Variants in MYO15A observed in about 807,000 individuals in gnomAD.
MYO15A encodes unconventional myosin-XV.
Under a neutral mutation model 394.6 loss-of-function variants are expected in MYO15A, and 308 were observed. That is an observed-to-expected ratio of 0.78 (90% CI 0.71 to 0.86). The LOEUF is 0.86. Ranked by LOEUF, MYO15A falls within the 40% of genes least tolerant of loss-of-function variation. MYO15A has a pLI of 0.00. For missense variants in MYO15A, 4,606 were observed against 4,799.1 expected (o/e 0.96, Z 1.19); for synonymous variants, 1,957 against 2,003.8 (o/e 0.98, Z 0.62).
At position 18,148,638 on chromosome 17, in the gene MYO15A, C is replaced by T; in HGVS notation, c.6764+70C>T. ...AATGTTGTGGGGGGAGGTCAGATCC[C>T]CCAGAGGGTCCCATAGGGTCCATTC... On this transcript the variant is annotated intron_variant, in intron 32 of 65. Coordinates refer to ENST00000647165, the MANE Select transcript of MYO15A (RefSeq NM_016239.4). The surrounding 1 kb of genome is among the most constrained non-coding windows in gnomAD (Gnocchi z 4.8). 6.5e-7 allele frequency: 1 copy of T among 1,546,624 alleles called. No individual in the cohort carries two copies. The highest frequency in any genetic ancestry group is 8.7e-7 in the Non-Finnish European group (1 of 1,143,392).
At position 18,119,220 on chromosome 17, in the gene MYO15A, G is replaced by T. The variant is rs1555537961; in HGVS notation, c.420G>T (p.Lys140Asn). Reference sequence around the variant, plus strand: ...CGGCCATCAACTGGCTCACAAAAAAGTTCCTCCTCAAGAAGGCCGAGGAGT... The same window carrying T: ...CGGCCATCAACTGGCTCACAAAAAATTTCCTCCTCAAGAAGGCCGAGGAGT... ...ASTAINWLTK[K>N]FLLKKAEESG... The change falls in exon 2 of 66, where the codon AAG (lysine) becomes AAT (asparagine). Residue 140 changes from lysine (K) to asparagine (N), a missense_variant. Lys to Asn is a moderately conservative substitution (Grantham distance 94). This residue lies in a region of MYO15A where 1,830 missense variants were observed against 1,689.7 expected (regional missense o/e 1.08). Transcript: ENST00000647165. The T allele has an allele frequency of 1.2e-6, 2 of 1,612,512 alleles. No homozygotes were observed. The highest frequency in any genetic ancestry group is 1.7e-6 in the Non-Finnish European group (2 of 1,179,904).
chr17:18,125,530 T>C (rs1235218751), intron 4 of MYO15A: 2 of 301,862 alleles, frequency 6.6e-6, no homozygotes, highest in Non-Finnish European at 6.3e-6. Flanking sequence ...CCCTCTCTAC[T>C]AAAAATACAA....
rs767089857 is a variant in MYO15A at position 18,156,267 on chromosome 17, C to T, written c.8532C>T (p.Val2844=). ...MLEFNLASEK[V]ILFSARAHQV... is the part of the protein sequence containing the mutation. ...AGTTCAACCTGGCCAGTGAGAAGGT[C>T]ATCCTCTTCTCAGCCCGAGCGCACC... Residue 2844 remains valine, a synonymous_variant, in exon 48 of 66, where the codon GTC becomes GTT. Coordinates refer to ENST00000647165, the MANE Select transcript of MYO15A (RefSeq NM_016239.4). The T allele has an allele frequency of 6.2e-7, 1 of 1,614,188 alleles. No individual in the cohort carries two copies. Among genetic ancestry groups the T allele is most frequent in the South Asian group, 1.1e-5 (1 of 91,084 alleles).
intron 4 of MYO15A, among the ~76,000 whole-genome samples, chr17:18,126,138 C>T (rs1186325666): frequency 6.6e-6 from 1 of 152,236 alleles, no homozygotes; most frequent in African/African-American, 2.4e-5. Flanking sequence ...CCAGACTCCT[C>T]TCAGCTCAGC....
At chr17:18,159,490 A>G in intron 54 of MYO15A, 116 bp from the exon 55 acceptor site, 1 of 1,476,444 alleles carries the variant, frequency 6.8e-7, no homozygotes, top group Non-Finnish European at 9.4e-7. Flanking sequence ...AGAGAATAGA[A>G]GCTCCCAGCT....
rs191828237 is a variant in MYO15A, at chr17:18,136,676, A to G, written c.4769A>G (p.Tyr1590Cys). ...CTGTCCATCGCCATCCTGGACATCT[A>G]TGGTTTCGAGGTGGGGCCGTGTAGG... is the stretch of plus-strand genomic sequence containing the variant. ...DTLSIAILDI[Y>C]GFEDLSFNSF... The change falls in exon 15 of 66, where the codon TAT (tyrosine) becomes TGT (cysteine). Residue 1590 changes from tyrosine to cysteine, a missense_variant. Coordinates refer to ENST00000647165, the MANE Select transcript of MYO15A (RefSeq NM_016239.4). The G allele has an allele frequency of 1.7e-4, 281 of 1,607,158 alleles. No individual in the cohort carries two copies. The highest frequency in any genetic ancestry group is 2.0e-4 in the Non-Finnish European group (233 of 1,178,058).
chr17:18,166,266 G>C (rs560134664), intron 60 of MYO15A, 95 bp from the exon 61 acceptor site: 1 of 1,522,440 alleles, frequency 6.6e-7, no homozygotes, highest in East Asian at 2.3e-5. Flanking sequence ...CCTCACCTGG[G>C]TAGCAGATTG....
At position 18,122,251 on chromosome 17, in the gene MYO15A, A is replaced by C; in HGVS notation, c.3451A>C (p.Ser1151Arg). 1 of 1,613,132 alleles carries C rather than the reference A, an allele frequency of 6.2e-7. No homozygotes were observed. The highest frequency in any genetic ancestry group is 8.5e-7 in the Non-Finnish European group (1 of 1,180,016). The change falls in exon 2 of 66, where the codon AGT becomes CGT. Residue 1151 changes from serine (S) to arginine (R), a missense_variant. Physicochemically the swap from Ser to Arg is moderately radical, Grantham distance 110. This residue lies in a region of MYO15A where 1,830 missense variants were observed against 1,689.7 expected (regional missense o/e 1.08). Transcript: ENST00000647165. ...TCAGGACCCCAAGCCAAGAGCCTGT[A>C]GTCTTCGCTGGTCCTGCCTCTGGCT... ...PIQDPKPRAC[S>R]LRWSCLWLRA...
chr17:18,167,825 C>A, intron 62 of MYO15A, 102 bp downstream of exon 62: 1 of 1,534,728 alleles, frequency 6.5e-7, no homozygotes, highest in Non-Finnish European at 8.8e-7. Flanking sequence ...GGCCCTCAGG[C>A]TCCCCTCTTA....
Position 18,171,782 on chromosome 17 carries a change from C to A in MYO15A, c.10216+11C>A, listed in dbSNP as rs2046945478. 6.2e-7 allele frequency: 1 copy of A among 1,605,880 alleles called. No homozygotes were observed. The highest frequency in any genetic ancestry group is 1.7e-5 in the Admixed American group (1 of 59,922). On this transcript the variant is annotated intron_variant, in intron 63 of 65. Transcript: ENST00000647165. ...GTGCCCAGTTTCTGGGTAAGAGCTG[C>A]AGGGCAGGGGAGGTGATCATAGGGG...
At position 18,115,180 on chromosome 17, in the gene MYO15A, T is replaced by G. The variant is rs563411690; in HGVS notation, c.-219-3402T>G. ...TCCTGTCAGTCCTACCTGCCACATG[T>G]CCCCAGCATCCTACCACTTCTCCAC... On this transcript the variant is annotated intron_variant, in intron 1 of 65. Coordinates refer to ENST00000647165, the MANE Select transcript of MYO15A (RefSeq NM_016239.4). Among the ~76,000 whole-genome samples, 149 of 152,272 alleles carry G rather than the reference T, an allele frequency of 9.8e-4. 1 individual carries two copies. The highest frequency in any genetic ancestry group is 3.3e-3 in the African/African-American group (137 of 41,570).
rs1250472446 is a variant in MYO15A, at chr17:18,166,511, A to G, written c.9938A>G (p.His3313Arg). The stretch of plus-strand genomic sequence containing the variant: ...GAGAATGAGCTATATGTGACCATGC[A>G]CTACAACCAGGTCAGCACACGTAGG... Reference protein sequence around the residue: ...KFENELYVTMHYNQVLPDYLK... With the variant: ...KFENELYVTMRYNQVLPDYLK... Residue 3313 changes from histidine (H) to arginine (R), a missense_variant, in exon 61 of 66, where the codon CAC (histidine) becomes CGC (arginine). Around this residue, in one of 2 missense-constraint regions of MYO15A, gnomAD observed 2,776 missense variants for 3,109.3 expected, o/e 0.89. Transcript: ENST00000647165. 4.3e-6 allele frequency: 7 copies of G among 1,613,166 alleles called. No homozygotes were observed. In the Admixed American group the frequency reaches 1.2e-4, roughly 27 times the overall value.
rs763448907 is a variant in MYO15A at position 18,131,548 on chromosome 17, C to T, written c.4206+17C>T. ...GTGTTTCAGGTGGGCCACCCCCTCC[C>T]AGGCCTCTGTGTTGGGCAGGGTCGG... On this transcript the variant is annotated intron_variant, in intron 10 of 65. Transcript: ENST00000647165. 1.9e-6 allele frequency: 3 copies of T among 1,613,870 alleles called. No homozygotes were observed. The highest frequency in any genetic ancestry group is 2.5e-6 in the Non-Finnish European group (3 of 1,179,858).
At position 18,150,873 on chromosome 17, in the gene MYO15A, AG is replaced by A; in HGVS notation, c.7434del (p.Gln2478HisfsTer4). ...ACCCTGCAGGCCACGGCACTCCAGCAGCAGCCCCTGAGTGCTGCCCTGAGAT... is the reference window on the plus strand; with the variant it reads ...ACCCTGCAGGCCACGGCACTCCAGCACAGCCCCTGAGTGCTGCCCTGAGAT... ...EMTLQATALQQQPLSAALRSL... is the reference protein window; with the variant it reads ...EMTLQATALQXQPLSAALRSL... On this transcript the variant is annotated frameshift_variant, in exon 38 of 66. Transcript: ENST00000647165. LOFTEE classifies it high-confidence loss of function. The surrounding 1 kb of genome is among the most constrained non-coding windows in gnomAD (Gnocchi z 4.4). 6.3e-7 allele frequency: 1 copy of A among 1,598,488 alleles called. No individual in the cohort carries two copies. The highest frequency in any genetic ancestry group is 1.1e-5 in the South Asian group (1 of 89,042).
intron 19 of MYO15A, 177 bp from the exon 20 acceptor site, chr17:18,140,340 C>A: frequency 1.2e-6 from 1 of 851,646 alleles, no homozygotes; most frequent in Non-Finnish European, 1.9e-6. Context: ...AGATGCTGAG[C>A]CCCACCTGTT....
chr17:18,114,267 T>TTTTTTTTG (rs879237595), intron 1 of MYO15A, among the ~76,000 whole-genome samples: 11 of 105,020 alleles, frequency 1.0e-4, no homozygotes, highest in Non-Finnish European at 1.4e-4. Flanking sequence ...TTTTTTTTTT[T>TTTTTTTTG]GAGACGGAGT....
At chr17:18,175,120 T>A (rs1253013141) in intron 65 of MYO15A, among the ~76,000 whole-genome samples, 1 of 150,288 alleles carries the variant, frequency 6.7e-6, no homozygotes, top group Non-Finnish European at 1.5e-5. Flanking sequence ...GGTCTTGCTA[T>A]GTTGCCCAGA....
At chr17:18,125,287 T>C in intron 4 of MYO15A, 56 bp downstream of exon 4, 3 of 1,508,508 alleles carry the variant, frequency 2.0e-6, no homozygotes, top group Non-Finnish European at 2.8e-6. Flanking sequence ...AGCTGCCTCC[T>C]GGGGCCGGGT....
chr17:18,164,058 G>A (rs1597816892), intron 60 of MYO15A: 1 of 592,370 alleles, frequency 1.7e-6, no homozygotes. Context: ...TATGATGAGA[G>A]CCCTCTCTCA....
Sources: allele counts gnomAD v4.1 joint callset (sites outside exome capture counted in the v4.1 genomes callset), GRCh38; gene constraint gnomAD v4.1.1; regional missense constraint gnomAD v4.1.1; non-coding constraint Gnocchi (gnomAD v3.1); transcripts MANE v1.5; gene names NCBI Gene and HGNC (gene_info 2026-07-23, HGNC 2026-07-21).